MEGF11: variants seen among roughly 807,000 people sequenced by gnomAD.
The protein encoded by MEGF11 is multiple epidermal growth factor-like domains protein 11.
Under a neutral mutation model 146.6 loss-of-function variants are expected in MEGF11, and 126 were observed. The ratio of observed to expected loss-of-function variants is 0.86; its 90% confidence interval spans 0.74 to 1.00. The LOEUF is 1.00. Ranked by LOEUF, MEGF11 falls within the 50% of genes least tolerant of loss-of-function variation. The pLI, the probability that MEGF11 is intolerant of heterozygous loss-of-function variation, is 0.00. For missense variants in MEGF11, 1,509 were observed against 1,521.2 expected (o/e 0.99, Z 0.13); for synonymous variants, 532 against 583.4 (o/e 0.91, Z 1.27).
intron 4 of MEGF11, among the ~76,000 whole-genome samples, chr15:66,100,911 A>G (rs938666119): frequency 7.0e-6 from 1 of 143,506 alleles, no homozygotes; most frequent in Non-Finnish European, 1.5e-5. Context: ...TGGGTGGGTG[A>G]GTGAGTGGGT....
intron 5 of MEGF11, among the ~76,000 whole-genome samples, chr15:66,075,876 T>G (rs1340412253): frequency 6.6e-6 from 1 of 152,202 alleles, no homozygotes. Context: ...AAATGATATT[T>G]GGCAGGACCT....
intron 5 of MEGF11, among the ~76,000 whole-genome samples, chr15:66,087,924 T>C (rs28794233): frequency 0.01 from 1,573 of 152,138 alleles, 32 homozygotes; most frequent in African/African-American, 0.036. Flanking sequence ...GACAGACCAT[T>C]AGCCAGATTA....
In MEGF11 at chr15:66,128,326, G is replaced by A. The variant is rs758012741; in HGVS notation, c.78C>T (p.Asn26=). 25 of 1,522,568 alleles carry A rather than the reference G, an allele frequency of 1.6e-5. No individual in the cohort carries two copies. The East Asian group carries it at 2.1e-4, about 13-fold the overall frequency. 94.3% of individuals were successfully genotyped at this position (1,522,568 alleles called of 1,614,324 possible). Residue 26 remains asparagine, a synonymous_variant, in exon 2 of 26, where the codon AAC becomes AAT. Transcript: ENST00000395614. ...CTTACCTCTCCCAGTGGCTGCACAC[G>A]TTGGGGTCCTCGGGGTTCAGGGCAA... ...ATLALNPEDP[N]VCSHWESYAV... is the part of the protein sequence containing the mutation.
At position 65,915,486 on chromosome 15, in the gene MEGF11, T is replaced by C; in HGVS notation, c.2457A>G (p.Gly819=). ...GTCYCSPGFK[G]IRCDQAALMM... ...GTGTATTACCTTGGTCACACCTGAT[T>C]CCTTTGAAGCCAGGGCTGCAGTAAC... Residue 819 remains glycine (G), a synonymous_variant, in exon 19 of 26, where the codon GGA becomes GGG. Transcript: ENST00000395614. 8 of 1,613,922 alleles carry C rather than the reference T, an allele frequency of 5.0e-6. No homozygotes were observed. Among genetic ancestry groups the C allele is most frequent in the Non-Finnish European group, 6.8e-6 (8 of 1,179,864 alleles).
rs989302091 is a variant in MEGF11 at position 65,895,359 on chromosome 15, T to A, written c.*2575A>T. The A allele has an allele frequency of 2.6e-5, 4 of 152,678 alleles. No individual in the cohort carries two copies. The highest frequency in any genetic ancestry group is 5.9e-5 in the Non-Finnish European group (4 of 68,042). 9.5% of individuals were successfully genotyped at this position (152,678 alleles called of 1,614,324 possible). ...ACAATCCCTCTGCACAGTGAACATATATTACAAATCTGTGATTTAAAAAAG... is the reference window on the plus strand; with the variant it reads ...ACAATCCCTCTGCACAGTGAACATAAATTACAAATCTGTGATTTAAAAAAG... On this transcript the variant is annotated 3_prime_UTR_variant, in exon 26 of 26. Transcript: ENST00000395614.
intron 10 of MEGF11, among the ~76,000 whole-genome samples, chr15:65,935,745 C>G (rs1177440361): frequency 2.0e-5 from 3 of 152,222 alleles, no homozygotes; most frequent in Non-Finnish European, 4.4e-5. Flanking sequence ...CTCTGCTCTT[C>G]CACCTCACTG....
rs118095858 is a variant in MEGF11 at position 66,029,407 on chromosome 15, A to G, written c.395-46919T>C. Among the ~76,000 whole-genome samples, 805 of 152,292 alleles carry G rather than the reference A, an allele frequency of 5.3e-3. 6 individuals are homozygous for G. The highest frequency in any genetic ancestry group is 9.3e-3 in the Admixed American group (143 of 15,302). On this transcript the variant is annotated intron_variant, in intron 5 of 25. Coordinates refer to ENST00000395614, the MANE Select transcript of MEGF11 (RefSeq NM_001385028.1). ...TTACACTCACCTTTCCTGACCTCTAAGGCTTTGGAAACTATACATCCTGTG... is the reference window on the plus strand; with the variant it reads ...TTACACTCACCTTTCCTGACCTCTAGGGCTTTGGAAACTATACATCCTGTG...
chr15:65,993,651 C>T (rs578139139), intron 5 of MEGF11, among the ~76,000 whole-genome samples: 4 of 152,088 alleles, frequency 2.6e-5, no homozygotes, highest in Admixed American at 6.5e-5. Flanking sequence ...TGTGTGGGGG[C>T]GGGTAGGGGA....
chr15:66,178,998 G>A (rs1366480021), intron 1 of MEGF11, among the ~76,000 whole-genome samples: 1 of 152,108 alleles, frequency 6.6e-6, no homozygotes, highest in East Asian at 1.9e-4. Flanking sequence ...AATTCCTGTA[G>A]CCTCCGGGTA....
At chr15:66,053,365 C>T (rs1236717284) in intron 5 of MEGF11, among the ~76,000 whole-genome samples, 1 of 152,132 alleles carries the variant, frequency 6.6e-6, no homozygotes, top group Non-Finnish European at 1.5e-5. Flanking sequence ...TTGATTGTGA[C>T]TTTAGTTCAA....
intron 1 of MEGF11, among the ~76,000 whole-genome samples, chr15:66,200,366 C>T (rs563193602): frequency 6.6e-6 from 1 of 152,272 alleles, no homozygotes; most frequent in East Asian, 1.9e-4. Context: ...GTACTGTAAA[C>T]CCAAAGACTG....
chr15:66,038,043 A>G (rs1032532650), intron 5 of MEGF11, among the ~76,000 whole-genome samples: 1 of 152,258 alleles, frequency 6.6e-6, no homozygotes, highest in Non-Finnish European at 1.5e-5. Flanking sequence ...GCGGTTTTAT[A>G]TGTAATAAAA....
intron 1 of MEGF11, among the ~76,000 whole-genome samples, chr15:66,159,033 G>T (rs1490892912): frequency 6.6e-6 from 1 of 152,214 alleles, no homozygotes; most frequent in African/African-American, 2.4e-5. Flanking sequence ...TGCTTTGAGA[G>T]TTGATCTTCC....
At chr15:66,240,198 G>A (rs989587672) in intron 1 of MEGF11, among the ~76,000 whole-genome samples, 3 of 152,186 alleles carry the variant, frequency 2.0e-5, no homozygotes, top group African/African-American at 7.2e-5. Flanking sequence ...TGTCCAGCAG[G>A]GCCTTGCTCA....
At position 65,965,003 on chromosome 15, in the gene MEGF11, G is replaced by A. The variant is rs1350274209; in HGVS notation, c.1017C>T (p.Tyr339=). 1.3e-6 allele frequency: 2 copies of A among 1,570,750 alleles called. No homozygotes were observed. Among genetic ancestry groups the A allele is most frequent in the Non-Finnish European group, 1.7e-6 (2 of 1,158,030 alleles). The change falls in exon 9 of 26, where the codon TAC becomes TAT. Residue 339 remains tyrosine (Y), a synonymous_variant. Coordinates refer to ENST00000395614, the MANE Select transcript of MEGF11 (RefSeq NM_001385028.1). ...GTCGCTCCTGGCAGCGTGGGCCCTT[G>A]TAGCCAGGCTCACACTCGCAGGCAC... ...TTGACECEPG[Y]KGPRCQERLC... is the part of the protein sequence containing the mutation.
chr15:66,183,526 C>T lies in MEGF11; in HGVS notation c.-8-55115G>A, dbSNP rs1289646235. ...CCACCAACACCCCGTGCCACCCACA[C>T]CCCCCTGCCAAAAAGAAAAAAAAAA... On this transcript the variant is annotated intron_variant, in intron 1 of 25. Coordinates refer to ENST00000395614, the MANE Select transcript of MEGF11 (RefSeq NM_001385028.1). 2.8e-5 allele frequency among the ~76,000 whole-genome samples: 4 copies of T among 144,122 alleles called. No homozygotes were observed. The Admixed American group carries it at 2.8e-4, about 10-fold the overall frequency. 94.5% of individuals were successfully genotyped at this position (144,122 alleles called of 152,430 possible). A position where few individuals can be genotyped will look rare whatever the true frequency, so the allele number is the denominator to read the frequency against.
intron 1 of MEGF11, among the ~76,000 whole-genome samples, chr15:66,197,657 C>T (rs549173521): frequency 1.4e-4 from 21 of 152,194 alleles, no homozygotes; most frequent in African/African-American, 5.1e-4. Context: ...CTCCTGACCT[C>T]GTGATCCGCC....
chr15:66,200,140 G>C (rs8026822), intron 1 of MEGF11, among the ~76,000 whole-genome samples: 67,177 of 152,182 alleles, frequency 0.44, 15,186 homozygotes, highest in East Asian at 0.59. Flanking sequence ...CAGAAGCTTT[G>C]TTTGCCTTTG....
intron 8 of MEGF11, among the ~76,000 whole-genome samples, chr15:65,968,063 A>C (rs1266648549): frequency 1.3e-5 from 2 of 152,164 alleles, no homozygotes; most frequent in Non-Finnish European, 2.9e-5. Flanking sequence ...AAATCTTGTC[A>C]TATTTCAGCC....
Sources: allele counts gnomAD v4.1 joint callset (sites outside exome capture counted in the v4.1 genomes callset), GRCh38; gene constraint gnomAD v4.1.1; transcripts MANE v1.5; gene names NCBI Gene and HGNC (gene_info 2026-07-23, HGNC 2026-07-21).